Variants in PCDHA3 observed in about 807,000 individuals in gnomAD.
The protein encoded by PCDHA3 is protocadherin alpha 3.
A neutral mutation model predicts 62.2 loss-of-function variants in PCDHA3; 41 were observed. The observed-to-expected ratio is 0.66, with a 90% CI of 0.51 to 0.86. The LOEUF (loss-of-function observed/expected upper bound fraction) is 0.86. PCDHA3 is among the 40% of genes least tolerant of loss of function. The pLI, the probability that PCDHA3 is intolerant of heterozygous loss-of-function variation, is 0.00. For missense variants in PCDHA3, 1,304 were observed against 1,241.2 expected (o/e 1.05, Z -0.76); for synonymous variants, 640 against 555.4 (o/e 1.15, Z -2.14).
chr5:140,813,444 G>A (rs1765295965), intron 1 of PCDHA3: 1 of 152,196 alleles, frequency 6.6e-6, no homozygotes, highest in South Asian at 2.1e-4. Context: ...ATAGGGAATT[G>A]TAACACAATG....
chr5:140,962,764 T>C (rs946789298), intron 1 of PCDHA3, among the ~76,000 whole-genome samples: 7 of 152,226 alleles, frequency 4.6e-5, no homozygotes, highest in African/African-American at 1.7e-4. Flanking sequence ...TATTCGTTTT[T>C]AACAAGATGG....
intron 1 of PCDHA3, chr5:140,830,680 T>C (rs2150188813): frequency 4.9e-5 from 17 of 346,496 alleles, no homozygotes; most frequent in African/African-American, 3.6e-4. Context: ...TAGAAATCAC[T>C]GTCCACAATC....
In PCDHA3 at chr5:140,850,851, A is replaced by G. The variant is rs1052562243; in HGVS notation, c.2394+47260A>G. On this transcript the variant is annotated intron_variant, in intron 1 of 3. Transcript: ENST00000522353. ...TCCTTGTGCTGGATCTACAGAGCGA[A>G]CGGGAGAACCCTCTGCTTCCTCAGA... The G allele has an allele frequency of 3.1e-6, 5 of 1,595,924 alleles. No homozygotes were observed. Among genetic ancestry groups the G allele is most frequent in the Non-Finnish European group, 3.4e-6 (4 of 1,165,934 alleles).
Position 140,814,117 on chromosome 5 carries a change from A to T in PCDHA3, c.2394+10526A>T, listed in dbSNP as rs1314520811. On this transcript the variant is annotated intron_variant, in intron 1 of 3. Transcript: ENST00000522353. ...TAATAACGCTTAGCTTAAAACACAA[A>T]CACATTGTACAGCTGTACAAAAATA... 17 of 153,636 alleles carry T rather than the reference A, an allele frequency of 1.1e-4. No homozygotes were observed. In the Admixed American group the frequency reaches 1.1e-3, roughly 10 times the overall value. 9.5% of individuals were successfully genotyped at this position (153,636 alleles called of 1,614,324 possible).
intron 3 of PCDHA3, among the ~76,000 whole-genome samples, chr5:140,999,630 A>G (rs2097866462): frequency 1.3e-5 from 2 of 152,210 alleles, no homozygotes; most frequent in Non-Finnish European, 2.9e-5. Context: ...GAAACAAGGT[A>G]GAGAAAACTG....
intron 1 of PCDHA3, among the ~76,000 whole-genome samples, chr5:140,832,012 G>A (rs2150199048): frequency 7.9e-5 from 12 of 152,234 alleles, no homozygotes; most frequent in Admixed American, 1.3e-4. Context: ...TTCATTTTAC[G>A]TAAAGATTGA....
At chr5:140,910,451 G>A (rs2075030507) in intron 1 of PCDHA3, among the ~76,000 whole-genome samples, 1 of 152,190 alleles carries the variant, frequency 6.6e-6, no homozygotes. Flanking sequence ...GTAGTTGAGT[G>A]ACTGTGGTTC....
intron 1 of PCDHA3, 41 bp from the exon 2 acceptor site, chr5:140,978,908 T>C: frequency 6.2e-7 from 1 of 1,613,772 alleles, no homozygotes; most frequent in Non-Finnish European, 8.5e-7. Context: ...GAGAACATTG[T>C]CTTGTCATTT....
At position 140,966,247 on chromosome 5, in the gene PCDHA3, A is replaced by G. The variant is rs145363912; in HGVS notation, c.2395-12702A>G. 739 of 318,152 alleles carry G rather than the reference A, an allele frequency of 2.3e-3. 16 individuals are homozygous for G. In the Admixed American group the frequency reaches 0.033, roughly 14 times the overall value. 19.7% of individuals were successfully genotyped at this position (318,152 alleles called of 1,614,324 possible). On this transcript the variant is annotated intron_variant, in intron 1 of 3. Coordinates refer to ENST00000522353, the MANE Select transcript of PCDHA3 (RefSeq NM_018906.3). ...TCCTTAAAGACCCGTTAAGCAGGGGAGAGACGGTGGAGACTGGATGAACTG... is the reference window on the plus strand; with the variant it reads ...TCCTTAAAGACCCGTTAAGCAGGGGGGAGACGGTGGAGACTGGATGAACTG...
chr5:140,820,100 C>G (rs2150105826), intron 1 of PCDHA3, among the ~76,000 whole-genome samples: 1 of 151,902 alleles, frequency 6.6e-6, no homozygotes, highest in South Asian at 2.1e-4. Context: ...TATTTATTAT[C>G]ATTTTCTTAT....
chr5:140,996,837 G>A (rs1382866699), intron 3 of PCDHA3, among the ~76,000 whole-genome samples: 7 of 151,992 alleles, frequency 4.6e-5, no homozygotes, highest in African/African-American at 7.3e-5. Flanking sequence ...ATAATTTAGC[G>A]TGCATCTTCA....
chr5:140,852,885 A>ATTT, intron 1 of PCDHA3: 1 of 778,088 alleles, frequency 1.3e-6, no homozygotes, highest in Non-Finnish European at 1.6e-6. Context: ...CATAAAACGT[A>ATTT]TTTTTTTTTT....
At chr5:141,000,421 A>ATTTTTTTTT (rs34755515) in intron 3 of PCDHA3, among the ~76,000 whole-genome samples, 3 of 27,980 alleles carry the variant, frequency 1.1e-4, no homozygotes, top group African/African-American at 1.8e-4. Flanking sequence ...ATATATATAT[A>ATTTTTTTTT]TTTTTTTTTT....
chr5:140,927,280 C>G, intron 1 of PCDHA3: 1 of 1,614,178 alleles, frequency 6.2e-7, no homozygotes, highest in Non-Finnish European at 8.5e-7. Flanking sequence ...CGGCGACGTG[C>G]AGCTGCACAT....
intron 1 of PCDHA3, among the ~76,000 whole-genome samples, chr5:140,818,057 A>C (rs1002691037): frequency 6.6e-6 from 1 of 152,066 alleles, no homozygotes; most frequent in Admixed American, 6.5e-5. Flanking sequence ...TTTGTTTTTA[A>C]TCTCGCTTGC....
chr5:140,882,545 G>A (rs1174281421), intron 1 of PCDHA3: 4 of 1,614,238 alleles, frequency 2.5e-6, no homozygotes. Context: ...GATCGACCGC[G>A]AGGAGCTGTG....
At chr5:140,877,272 C>T in intron 1 of PCDHA3, 3 of 1,613,832 alleles carry the variant, frequency 1.9e-6, no homozygotes, top group Non-Finnish European at 2.5e-6. Flanking sequence ...TGGACGCTGA[C>T]TCCGGCTATA....
rs782052342 is a variant in PCDHA3, at chr5:140,927,029, C to T, written c.2395-51920C>T. On this transcript the variant is annotated intron_variant, in intron 1 of 3. Transcript: ENST00000522353. ...AATCTCTCCGCGGACTTGAGGCTGC[C>T]AGCGGCCGCTATGTCCTCGCGGAAC... 1.9e-6 allele frequency: 3 copies of T among 1,612,358 alleles called. No homozygotes were observed. In the South Asian group the frequency reaches 3.3e-5, roughly 18 times the overall value.
rs138948867 is a variant in PCDHA3, at chr5:140,849,674, C to A, written c.2394+46083C>A. 2.5e-6 allele frequency: 4 copies of A among 1,598,602 alleles called. 1 individual carries two copies. Among genetic ancestry groups the A allele is most frequent in the Non-Finnish European group, 3.4e-6 (4 of 1,168,020 alleles). ...TTACCTGCTCCCTGACGCCCCACGT[C>A]CCCTTCAAGCTGGTGTCCACCTACA... On this transcript the variant is annotated intron_variant, in intron 1 of 3. Coordinates refer to ENST00000522353, the MANE Select transcript of PCDHA3 (RefSeq NM_018906.3).
Sources: gnomAD v4.1 joint callset for allele counts (sites outside exome capture counted in the v4.1 genomes callset) on GRCh38, gnomAD v4.1.1 for gene constraint, MANE v1.5 for transcripts, NCBI Gene and HGNC (gene_info 2026-07-23, HGNC 2026-07-21) for gene names.